Variants in PDE4DIP observed in about 807,000 individuals in gnomAD.
PDE4DIP encodes the protein myomegalin.
Under a neutral mutation model 221.4 loss-of-function variants are expected in PDE4DIP, and 59 were observed. The observed-to-expected ratio is 0.27, with a 90% CI of 0.22 to 0.33. The LOEUF (loss-of-function observed/expected upper bound fraction) is 0.33. PDE4DIP is among the 10% of genes least tolerant of loss of function. The pLI, the probability that PDE4DIP is intolerant of heterozygous loss-of-function variation, is 1.00. For synonymous variants in PDE4DIP, 404 were observed against 815.9 expected, an observed-to-expected ratio of 0.50 and a Z score of 8.60; for missense variants, 1,036 against 2,154.2, an observed-to-expected ratio of 0.48 and a Z score of 10.28.
intron 1 of PDE4DIP, among the ~76,000 whole-genome samples, chr1:148,819,986 G>A (rs782495462): frequency 1.4e-4 from 4 of 28,570 alleles, no homozygotes; most frequent in African/African-American, 2.1e-4. Context: ...GGCGTGCAGC[G>A]GCGCGATCTG....
At chr1:149,006,000 G>A (rs587638507) in intron 27 of PDE4DIP, among the ~76,000 whole-genome samples, 2 of 152,242 alleles carry the variant, frequency 1.3e-5, no homozygotes, top group African/African-American at 4.8e-5. Flanking sequence ...GGGCATGGTG[G>A]TGCACACCTG....
At chr1:148,934,769 A>G (rs1412312823) in intron 4 of PDE4DIP, among the ~76,000 whole-genome samples, 27 of 151,716 alleles carry the variant, frequency 1.8e-4, no homozygotes, top group East Asian at 4.0e-4. Context: ...ACGCCCAGCT[A>G]ATTTTTGTAT....
intron 20 of PDE4DIP, 101 bp downstream of exon 23, chr1:148,979,950 TGA>T: frequency 7.0e-7 from 1 of 1,435,554 alleles, no homozygotes. Context: ...CAGATGCTTA[TGA>T]TACTGAAGAG....
At chr1:148,953,813 T>A in intron 5 of PDE4DIP, 1 of 1,475,628 alleles carries the variant, frequency 6.8e-7, no homozygotes, top group Non-Finnish European at 9.4e-7. Flanking sequence ...GAAACCCCTT[T>A]ACAAGACACC....
At chr1:149,029,170 G>A (rs1475719624) in intron 41 of PDE4DIP, among the ~76,000 whole-genome samples, 6 of 152,072 alleles carry the variant, frequency 3.9e-5, no homozygotes, top group East Asian at 1.9e-4. Flanking sequence ...AGCTGGCATC[G>A]CTGGACCAGG....
At chr1:148,981,176 C>T (rs1278111298) in intron 20 of PDE4DIP, 94 bp from the exon 24 acceptor site, 2 of 1,155,598 alleles carry the variant, frequency 1.7e-6, no homozygotes, top group Non-Finnish European at 1.3e-6. Flanking sequence ...AGTCGTGTGG[C>T]TCAAAGTGGT....
chr1:148,949,652 T>C (rs1407684659), intron 5 of PDE4DIP, among the ~76,000 whole-genome samples: 2 of 152,194 alleles, frequency 1.3e-5, no homozygotes, highest in Non-Finnish European at 2.9e-5. Flanking sequence ...AGTGCAAAAT[T>C]GATTATCACA....
intron 21 of PDE4DIP, among the ~76,000 whole-genome samples, chr1:148,989,751 C>T (rs1463110076): frequency 2.0e-5 from 3 of 152,166 alleles, no homozygotes; most frequent in African/African-American, 7.2e-5. Context: ...ATTTCCTTTG[C>T]TGGAAAAACA....
intron 5 of PDE4DIP, chr1:148,953,878 T>C: frequency 6.2e-7 from 1 of 1,612,148 alleles, no homozygotes; most frequent in Non-Finnish European, 8.5e-7. Flanking sequence ...ATGATCTCTG[T>C]GAAGATTATT....
chr1:148,989,500 A>C, intron 21 of PDE4DIP: 1 of 245,396 alleles, frequency 4.1e-6, no homozygotes, highest in Non-Finnish European at 7.0e-6. Context: ...AGAAAGTGTC[A>C]GATAAAAACC....
intron 1 of PDE4DIP, among the ~76,000 whole-genome samples, chr1:148,924,232 G>A (rs1457490439): frequency 3.3e-5 from 5 of 152,106 alleles, no homozygotes; most frequent in Non-Finnish European, 5.9e-5. Flanking sequence ...CACAGGGGAC[G>A]GAGCATTTAA....
chr1:148,978,233 C>T (rs782246420), intron 18 of PDE4DIP, 45 bp from the exon 22 acceptor site: 1 of 1,516,368 alleles, frequency 6.6e-7, no homozygotes, highest in South Asian at 1.2e-5. Context: ...CTGAATAATC[C>T]TTTTATTACT....
chr1:148,918,517 G>A (rs2044640947), intron 1 of PDE4DIP, among the ~76,000 whole-genome samples: 2 of 123,826 alleles, frequency 1.6e-5, no homozygotes, highest in Non-Finnish European at 3.4e-5. Flanking sequence ...TGCTTACTAA[G>A]TATTTTATGA....
intron 34 of PDE4DIP, chr1:149,018,320 C>T (rs1553614009): frequency 1.6e-5 from 7 of 440,848 alleles, no homozygotes; most frequent in Admixed American, 7.3e-5. Flanking sequence ...TTAGGGAGAT[C>T]GAGCCTCCTG....
At chr1:149,009,572 A>T (rs781908957) in exon 30 of PDE4DIP, 1 of 1,596,376 alleles carries the variant, frequency 6.3e-7, no homozygotes, top group African/African-American at 1.3e-5. Context: ...CACCAGGCTC[A>T]GCAGGGAGCT....
At chr1:148,963,015 C>T (rs2057305087) in intron 9 of PDE4DIP, among the ~76,000 whole-genome samples, 1 of 152,168 alleles carries the variant, frequency 6.6e-6, no homozygotes, top group Non-Finnish European at 1.5e-5. Flanking sequence ...ACTTCAGCCT[C>T]CAGAGTAGCT....
chr1:149,028,497 G>A (rs1460771100), intron 40 of PDE4DIP, 63 bp from the exon 44 acceptor site: 8 of 1,500,360 alleles, frequency 5.3e-6, no homozygotes, highest in African/African-American at 2.8e-5. Flanking sequence ...CACAAAGGAA[G>A]CTTGAGCCCA....
intron 5 of PDE4DIP, among the ~76,000 whole-genome samples, chr1:148,945,584 A>G (rs1479182372): frequency 6.6e-6 from 1 of 151,944 alleles, no homozygotes; most frequent in East Asian, 1.9e-4. Flanking sequence ...ACACCAGAAG[A>G]GAATAGAGAG....
intron 35 of PDE4DIP, chr1:149,019,585 C>T (rs1479676337): frequency 6.6e-6 from 1 of 152,242 alleles, no homozygotes; most frequent in Non-Finnish European, 1.5e-5. Flanking sequence ...CCATTGCATG[C>T]TTGGAGAGAA....
Sources: gnomAD v4.1 joint callset for allele counts (sites outside exome capture counted in the v4.1 genomes callset) on GRCh38, gnomAD v4.1.1 for gene constraint, MANE v1.5 for transcripts, NCBI Gene and HGNC (gene_info 2026-07-23, HGNC 2026-07-21) for gene names.